Variants in PHLDB3 observed in about 807,000 individuals in gnomAD.
The protein encoded by PHLDB3 is pleckstrin homology like domain family B member 3.
In PHLDB3, 86 loss-of-function variants were observed where a neutral mutation model predicts 85.7. That is an observed-to-expected ratio of 1.00 (90% CI 0.84 to 1.20). The LOEUF (loss-of-function observed/expected upper bound fraction) is 1.20. Among genes scored for constraint, PHLDB3 ranks in the 50% most tolerant of loss-of-function variants. The probability of loss-of-function intolerance (pLI) is 0.00; values close to 1 mark genes in which losing one functional copy is unlikely to be tolerated. For synonymous variants in PHLDB3, 376 were observed against 349.8 expected (o/e 1.07, Z -0.83); for missense variants, 995 against 873.0 (o/e 1.14, Z -1.76).
rs35827061 is a variant in PHLDB3, at chr19:43,491,945, GTT to G, written c.1149+2755_1149+2756del. 2.0e-4 allele frequency among the ~76,000 whole-genome samples: 26 copies of G among 129,580 alleles called. 1 individual carries two copies. The highest frequency in any genetic ancestry group is 5.9e-4 in the African/African-American group (20 of 33,658). 85.0% of individuals were successfully genotyped at this position (129,580 alleles called of 152,430 possible). On this transcript the variant is annotated intron_variant, in intron 9 of 15. Coordinates refer to ENST00000292140, the MANE Select transcript of PHLDB3 (RefSeq NM_198850.4). ...CCAGCGTGAGCCACTGCACCTGGCCGTTTTTTTTTTTTTGTTTTTTTTTTTTT... is the reference window on the plus strand; with the variant it reads ...CCAGCGTGAGCCACTGCACCTGGCCGTTTTTTTTTTTGTTTTTTTTTTTTT...
chr19:43,500,054 G>T (rs1348760825), intron 4 of PHLDB3, among the ~76,000 whole-genome samples: 1 of 152,024 alleles, frequency 6.6e-6, no homozygotes, highest in Non-Finnish European at 1.5e-5. Flanking sequence ...AGCCTGACCA[G>T]CATGGAGAAA....
chr19:43,491,957 T>G (rs1391250718), intron 9 of PHLDB3, among the ~76,000 whole-genome samples: 41 of 142,162 alleles, frequency 2.9e-4, no homozygotes, highest in African/African-American at 5.8e-4. Flanking sequence ...TTTTTTTTTT[T>G]TGTTTTTTTT....
Position 43,479,454 on chromosome 19 carries a change from A to G in PHLDB3, c.1625T>C (p.Met542Thr), listed in dbSNP as rs765715761. 4.0e-5 allele frequency: 62 copies of G among 1,565,744 alleles called. No individual in the cohort carries two copies. Among genetic ancestry groups the G allele is most frequent in the Non-Finnish European group, 5.2e-5 (60 of 1,155,668 alleles). The change falls in exon 14 of 16, where the codon ATG (methionine) becomes ACG (threonine). Residue 542 changes from methionine to threonine, a missense_variant. Transcript: ENST00000292140. ...CCTCCAGGTCTTGATGCGGCCGCCC[A>G]TCTTCACCAGGGGTCCACGGCAGCA... ...GCCCRGPLVK[M>T]GGRIKTWRKR...
At chr19:43,496,444 T>C (rs1030322574) in intron 6 of PHLDB3, 1 of 152,158 alleles carries the variant, frequency 6.6e-6, no homozygotes, top group East Asian at 1.9e-4. Context: ...TGAAGCATCT[T>C]TTTGGAATAG....
chr19:43,486,845 C>A lies in PHLDB3; in HGVS notation c.1275G>T (p.Pro425=). The A allele has an allele frequency of 6.4e-7, 1 of 1,573,018 alleles. No individual in the cohort carries two copies. Residue 425 remains proline, a synonymous_variant, in exon 11 of 16, where the codon CCG becomes CCT. Coordinates refer to ENST00000292140, the MANE Select transcript of PHLDB3 (RefSeq NM_198850.4). ...CTESLEASAL[P]PAVGDSGRYP... ...ATCTGCCGGAGTCCCCCACTGCTGG[C>A]GGGAGAGCTGAGGCCTCCAGGGATT...
At chr19:43,499,664 C>G (rs1971542962) in intron 4 of PHLDB3, among the ~76,000 whole-genome samples, 1 of 152,096 alleles carries the variant, frequency 6.6e-6, no homozygotes, top group Non-Finnish European at 1.5e-5. Flanking sequence ...AATCACAAGT[C>G]ACCATTTTCC....
At position 43,497,852 on chromosome 19, in the gene PHLDB3, G is replaced by T. The variant is rs140926664; in HGVS notation, c.559C>A (p.Arg187=). 6.3e-7 allele frequency: 1 copy of T among 1,584,230 alleles called. No individual in the cohort carries two copies. Among genetic ancestry groups the T allele is most frequent in the South Asian group, 1.2e-5 (1 of 86,364 alleles). Residue 187 remains arginine, a synonymous_variant, in exon 5 of 16, where the codon CGG becomes AGG. Transcript: ENST00000292140. ...EQEQRRLSQE[R]DRLEGLRQRL... ...TGGCGAAGACCCTCTAGGCGATCCCGTTCCTGGCTCAGCCGCCTCTGTTCC... is the reference window on the plus strand; with the variant it reads ...TGGCGAAGACCCTCTAGGCGATCCCTTTCCTGGCTCAGCCGCCTCTGTTCC...
At chr19:43,483,587 C>T (rs563778841) in intron 13 of PHLDB3, among the ~76,000 whole-genome samples, 1 of 152,172 alleles carries the variant, frequency 6.6e-6, no homozygotes, top group African/African-American at 2.4e-5. Context: ...CTTTATCATT[C>T]TTTATAACAA....
intron 13 of PHLDB3, among the ~76,000 whole-genome samples, chr19:43,485,304 C>A (rs56284822): frequency 0.018 from 2,702 of 151,704 alleles, 80 homozygotes; most frequent in African/African-American, 0.062. Flanking sequence ...CCTGCACCTC[C>A]CAGGTTCAAG....
In PHLDB3 at chr19:43,486,590, G is replaced by A; in HGVS notation, c.1428+19C>T. 1.2e-6 allele frequency: 2 copies of A among 1,608,846 alleles called. No individual in the cohort carries two copies. Among genetic ancestry groups the A allele is most frequent in the Non-Finnish European group, 1.7e-6 (2 of 1,178,230 alleles). ...CTGGGGCAGTCTTCTGTTCCGAAGA[G>A]GATGGCCTGGGCTCTCACCCGGGCC... is the stretch of plus-strand genomic sequence containing the variant. On this transcript the variant is annotated intron_variant, in intron 12 of 15. Transcript: ENST00000292140.
chr19:43,484,601 A>T (rs895911712), intron 13 of PHLDB3, among the ~76,000 whole-genome samples: 1 of 152,006 alleles, frequency 6.6e-6, no homozygotes, highest in African/African-American at 2.4e-5. Flanking sequence ...ACTCCCAGCT[A>T]CTCGGGAGGC....
chr19:43,504,184 A>C, intron 1 of PHLDB3, 52 bp from the exon 2 acceptor site: 3 of 1,470,946 alleles, frequency 2.0e-6, no homozygotes, highest in South Asian at 2.7e-5. Context: ...AGGACGGCTG[A>C]GCGCCGCTCG....
chr19:43,495,160 A>C (rs80107367), intron 8 of PHLDB3, 96 bp downstream of exon 8: 4,862 of 346,182 alleles, frequency 0.014, no homozygotes, highest in Non-Finnish European at 0.017. Flanking sequence ...AGGAGGGGCT[A>C]GGGCCTGGAC....
chr19:43,500,923 C>CCCCT (rs1555757872), intron 4 of PHLDB3, among the ~76,000 whole-genome samples: 1 of 105,760 alleles, frequency 9.5e-6, no homozygotes, highest in African/African-American at 3.2e-5. Context: ...CCCCCCCACC[C>CCCCT]CGCAAGTACT....
chr19:43,484,564 T>A (rs1418764702), intron 13 of PHLDB3, among the ~76,000 whole-genome samples: 1 of 151,274 alleles, frequency 6.6e-6, no homozygotes, highest in Non-Finnish European at 1.5e-5. Flanking sequence ...ACAAAAAAAA[T>A]AAATGGGTGT....
At chr19:43,494,603 G>C (rs1279663192) in intron 9 of PHLDB3, 99 bp downstream of exon 9, 3 of 964,606 alleles carry the variant, frequency 3.1e-6, no homozygotes, top group African/African-American at 3.3e-5. Context: ...AATCAGAGTG[G>C]AAGTTCTGGA....
At position 43,479,497 on chromosome 19, in the gene PHLDB3, C is replaced by T; in HGVS notation, c.1582G>A (p.Val528Met). Residue 528 changes from valine to methionine, a missense_variant, in exon 14 of 16, where the codon GTG (valine) becomes ATG (methionine). Physicochemically the swap from Val to Met is conservative, Grantham distance 21. Transcript: ENST00000292140. ...CGGCAGCAGCACCCAGACACCTGCA[C>T]ATGTGGGCAGTTTTCCGGGTTGTGG... Reference protein sequence around the residue: ...WGHNPENCPHVQVSGCCCRGP... With the variant: ...WGHNPENCPHMQVSGCCCRGP... The T allele has an allele frequency of 6.5e-7, 1 of 1,531,562 alleles. No individual in the cohort carries two copies. Among genetic ancestry groups the T allele is most frequent in the Non-Finnish European group, 8.8e-7 (1 of 1,134,460 alleles). The allele number at this position is 1,531,562 out of a possible 1,614,324, so 94.9% of individuals were successfully genotyped here.
chr19:43,501,594 C>G lies in PHLDB3; in HGVS notation c.534+140G>C, dbSNP rs908013576. 12 of 1,414,570 alleles carry G rather than the reference C, an allele frequency of 8.5e-6. 1 individual carries two copies. In the Admixed American group the frequency reaches 1.1e-4, roughly 13 times the overall value. The allele number at this position is 1,414,570 out of a possible 1,614,324, so 87.6% of individuals were successfully genotyped here. On this transcript the variant is annotated intron_variant, in intron 4 of 15. Coordinates refer to ENST00000292140, the MANE Select transcript of PHLDB3 (RefSeq NM_198850.4). ...GGAGAAGGAAAACCAGGAGGGGCAT[C>G]TGCCCCTCACTCTCTCAGGAGCCCA...
At chr19:43,482,200 G>A (rs954954792) in intron 13 of PHLDB3, among the ~76,000 whole-genome samples, 2 of 152,190 alleles carry the variant, frequency 1.3e-5, no homozygotes, top group African/African-American at 4.8e-5. Context: ...CCCCAATCTA[G>A]GAGGAGACCA....
Sources: allele counts gnomAD v4.1 joint callset (sites outside exome capture counted in the v4.1 genomes callset), GRCh38; gene constraint gnomAD v4.1.1; transcripts MANE v1.5; gene names NCBI Gene and HGNC (gene_info 2026-07-23, HGNC 2026-07-21).